Variants in RB1 observed in about 807,000 individuals in gnomAD.
The protein encoded by RB1 is RB transcriptional corepressor 1.
Under a neutral mutation model 135.4 loss-of-function variants are expected in RB1, and 18 were observed. That is an observed-to-expected ratio of 0.13 (90% CI 0.09 to 0.20). The LOEUF (loss-of-function observed/expected upper bound fraction) is 0.20. RB1 is among the 10% of genes least tolerant of loss of function. The probability of loss-of-function intolerance (pLI) is 1.00; values close to 1 mark genes in which losing one functional copy is unlikely to be tolerated. For missense variants in RB1, 868 were observed against 1,110.0 expected, an observed-to-expected ratio of 0.78 and a Z score of 3.10; for synonymous variants, 365 against 373.2, an observed-to-expected ratio of 0.98 and a Z score of 0.25.
chr13:48,362,521 G>A (rs536115710), intron 7 of RB1, among the ~76,000 whole-genome samples: 10 of 151,870 alleles, frequency 6.6e-5, no homozygotes, highest in Non-Finnish European at 1.0e-4. Context: ...ACTAAAATAC[G>A]CTTAGATTTA....
intron 21 of RB1, 133 bp downstream of exon 21, chr13:48,463,968 T>G (rs1416407817): frequency 6.4e-5 from 37 of 582,074 alleles, no homozygotes; most frequent in Non-Finnish European, 1.5e-5. Flanking sequence ...AATTCACAAA[T>G]AAAAACTTTT....
intron 17 of RB1, among the ~76,000 whole-genome samples, chr13:48,420,385 C>G (rs1247375549): frequency 6.6e-6 from 1 of 152,180 alleles, no homozygotes; most frequent in African/African-American, 2.4e-5. Context: ...TGGAATGTAT[C>G]TCAAAATAAT....
chr13:48,416,867 A>G (rs577402775), intron 17 of RB1, among the ~76,000 whole-genome samples: 4 of 152,266 alleles, frequency 2.6e-5, no homozygotes, highest in Admixed American at 1.3e-4. Context: ...GCTTCTCTAG[A>G]GTCCTCCTCT....
At chr13:48,353,632 C>G in intron 6 of RB1, among the ~76,000 whole-genome samples, 1 of 151,856 alleles carries the variant, frequency 6.6e-6, no homozygotes. Flanking sequence ...CAGATAAAGA[C>G]CCATTAAAAA....
intron 11 of RB1, among the ~76,000 whole-genome samples, chr13:48,372,445 G>T (rs1952768618): frequency 1.3e-5 from 2 of 152,098 alleles, no homozygotes; most frequent in Admixed American, 1.3e-4. Context: ...ATCACCTGAG[G>T]ACAGGAGTTC....
intron 6 of RB1, among the ~76,000 whole-genome samples, chr13:48,354,437 C>T (rs768040924): frequency 1.9e-4 from 29 of 151,384 alleles, no homozygotes; most frequent in Non-Finnish European, 1.2e-4. Context: ...AAGAGCACAC[C>T]AAAAAAATGG....
chr13:48,436,055 G>A (rs1426112015), intron 17 of RB1, among the ~76,000 whole-genome samples: 2 of 152,182 alleles, frequency 1.3e-5, no homozygotes, highest in African/African-American at 4.8e-5. Flanking sequence ...AAGGATGAAT[G>A]AAAAGATTAG....
intron 23 of RB1, among the ~76,000 whole-genome samples, chr13:48,465,647 C>T (rs919030414): frequency 5.9e-5 from 9 of 151,604 alleles, no homozygotes; most frequent in Admixed American, 2.0e-4. Flanking sequence ...TCTGAGGTAC[C>T]GGGTTCATCT....
At chr13:48,342,459 G>T in intron 2 of RB1, 140 bp from the exon 3 acceptor site, 1 of 563,242 alleles carries the variant, frequency 1.8e-6, no homozygotes. Flanking sequence ...CCATCAGAAG[G>T]ATGTGTTACA....
intron 17 of RB1, chr13:48,406,598 C>T (rs1466264411): frequency 6.6e-6 from 1 of 152,220 alleles, no homozygotes; most frequent in Non-Finnish European, 1.5e-5. Flanking sequence ...CAGCACTTAA[C>T]GTGGTCTTAA....
intron 2 of RB1, among the ~76,000 whole-genome samples, chr13:48,335,587 T>A (rs1952376655): frequency 6.6e-6 from 1 of 152,072 alleles, no homozygotes; most frequent in African/African-American, 2.4e-5. Flanking sequence ...TGAAAATATG[T>A]TTGTTGAAAG....
At chr13:48,396,031 A>G (rs550490449) in intron 17 of RB1, among the ~76,000 whole-genome samples, 67 of 152,350 alleles carry the variant, frequency 4.4e-4, no homozygotes, top group African/African-American at 1.5e-3. Flanking sequence ...TTCCATGCTC[A>G]TGGATGGGAA....
chr13:48,348,275 T>TAAC (rs1952515829), intron 5 of RB1, among the ~76,000 whole-genome samples: 1 of 152,094 alleles, frequency 6.6e-6, no homozygotes, highest in South Asian at 2.1e-4. Context: ...ATGCATGCTC[T>TAAC]AACAGTATGC....
chr13:48,434,417 G>C (rs770817353), intron 17 of RB1, among the ~76,000 whole-genome samples: 26 of 152,088 alleles, frequency 1.7e-4, no homozygotes, highest in Non-Finnish European at 1.5e-4. Context: ...TCTGGAAATA[G>C]CATTAGTCAT....
intron 26 of RB1, 104 bp from the exon 27 acceptor site, chr13:48,479,894 T>A (rs1233800276): frequency 1.7e-5 from 14 of 841,628 alleles, no homozygotes; most frequent in Non-Finnish European, 2.6e-5. Flanking sequence ...TTTTGCAAGG[T>A]CCTGAGCGCC....
chr13:48,481,449 T>G lies in RB1; in HGVS notation c.*1378T>G. 1 of 231,414 alleles carries G rather than the reference T, an allele frequency of 4.3e-6. No homozygotes were observed. Among genetic ancestry groups the G allele is most frequent in the African/African-American group, 2.2e-5 (1 of 45,364 alleles). The allele number at this position is 231,414 out of a possible 1,614,324, so 14.3% of individuals were successfully genotyped here. On this transcript the variant is annotated 3_prime_UTR_variant, in exon 27 of 27. Coordinates refer to ENST00000267163, the MANE Select transcript of RB1 (RefSeq NM_000321.3). ...AGGGGATATTTAAGGTAGCTTCAGC[T>G]AGCTTTTAGGAAAATCACTTTGTCT...
At chr13:48,338,174 G>A (rs890700014) in intron 2 of RB1, among the ~76,000 whole-genome samples, 9 of 152,142 alleles carry the variant, frequency 5.9e-5, no homozygotes, top group East Asian at 5.8e-4. Flanking sequence ...TGCTCTTCTC[G>A]AGGAGTATCT....
At chr13:48,338,266 C>A (rs1952403808) in intron 2 of RB1, among the ~76,000 whole-genome samples, 1 of 152,212 alleles carries the variant, frequency 6.6e-6, no homozygotes, top group Admixed American at 6.5e-5. Context: ...TAATATCCTG[C>A]AGAGTGTTTT....
intron 17 of RB1, chr13:48,412,699 A>G (rs1593485155): frequency 2.1e-6 from 1 of 484,860 alleles, no homozygotes; most frequent in East Asian, 4.1e-5. Context: ...CTGACGAGCA[A>G]CCTTTAAAAA....
Sources: allele counts gnomAD v4.1 joint callset (sites outside exome capture counted in the v4.1 genomes callset), GRCh38; gene constraint gnomAD v4.1.1; transcripts MANE v1.5; gene names NCBI Gene and HGNC (gene_info 2026-07-23, HGNC 2026-07-21).